The following ACSL4 variants were observed in gnomAD, a reference collection of about 807,000 sequenced individuals.
The protein encoded by ACSL4 is long-chain-fatty-acid--CoA ligase 4.
In ACSL4, 9 loss-of-function variants were observed where a neutral mutation model predicts 49.1. That is an observed-to-expected ratio of 0.18 (90% CI 0.11 to 0.32). The LOEUF (loss-of-function observed/expected upper bound fraction) is 0.32. Among genes scored for constraint, ACSL4 ranks in the 10% least tolerant of loss-of-function variants. ACSL4 has a pLI of 1.00. For missense variants in ACSL4, 333 were observed against 493.7 expected (o/e 0.67, Z 3.08); for synonymous variants, 191 against 170.3 (o/e 1.12, Z -0.95).
At chrX:109,701,843 T>C (rs77910165) in intron 1 of ACSL4, among the ~76,000 whole-genome samples, 41,531 of 94,147 alleles carry the variant, frequency 0.44, 8,171 homozygotes, top group Middle Eastern at 0.61. Flanking sequence ...TCCGCCTGGC[T>C]AACACATACA....
chrX:109,701,614 C>T (rs1925951137), intron 1 of ACSL4, among the ~76,000 whole-genome samples: 1 of 99,070 alleles, frequency 1.0e-5, no homozygotes, highest in Non-Finnish European at 2.0e-5. Context: ...GGCATGATCT[C>T]GGCTCACTGC....
chrX:109,720,679 G>A (rs754888024), intron 1 of ACSL4, among the ~76,000 whole-genome samples: 1 of 111,971 alleles, frequency 8.9e-6, no homozygotes, highest in Non-Finnish European at 1.9e-5. Flanking sequence ...CAGTGTGCCT[G>A]AGCCCTGCCT....
chrX:109,689,051 T>C (rs1392089201), intron 2 of ACSL4, among the ~76,000 whole-genome samples: 1 of 111,397 alleles, frequency 9.0e-6, no homozygotes, highest in Non-Finnish European at 1.9e-5. Context: ...TGTTCAAAAC[T>C]GAGATCATCC....
intron 8 of ACSL4, among the ~76,000 whole-genome samples, chrX:109,676,410 A>C (rs1311649999): frequency 8.9e-6 from 1 of 111,954 alleles, no homozygotes; most frequent in African/African-American, 3.2e-5. Flanking sequence ...CTGAGGACGT[A>C]TCTTACCAAC....
intron 9 of ACSL4, among the ~76,000 whole-genome samples, chrX:109,671,583 A>G (rs1183931910): frequency 2.7e-5 from 3 of 112,695 alleles, no homozygotes; most frequent in Non-Finnish European, 5.6e-5. Flanking sequence ...GGTGTACCCA[A>G]TAGCTCATTG....
Position 109,727,102 on chromosome X carries a change from T to G in ACSL4, c.-66+6037A>C, listed in dbSNP as rs759948076. 2.1e-3 allele frequency among the ~76,000 whole-genome samples: 234 copies of G among 111,644 alleles called. 1 individual carries two copies. The highest frequency in any genetic ancestry group is 6.7e-3 in the African/African-American group (207 of 30,725). ...ATATACTTAGATTTTTAAAATATAT[T>G]CTTAAGTTATTTTTGTGTATGATGA... On this transcript the variant is annotated intron_variant, in intron 1 of 15. Transcript: ENST00000672401.
intron 2 of ACSL4, among the ~76,000 whole-genome samples, chrX:109,686,182 C>T (rs1241941560): frequency 1.8e-5 from 2 of 112,064 alleles, no homozygotes; most frequent in Non-Finnish European, 1.9e-5. Context: ...TAATTTCACA[C>T]ATCATTAGCA....
At position 109,665,613 on chromosome X, in the gene ACSL4, T is replaced by A. The variant is rs1319716798; in HGVS notation, c.1316-119A>T. 5.0e-6 allele frequency: 3 copies of A among 594,563 alleles called. No homozygotes were observed. In the East Asian group the frequency reaches 1.0e-4, roughly 20 times the overall value. The allele number at this position is 594,563 out of a possible 1,213,427, so 49.0% of individuals were successfully genotyped here. Reference sequence around the variant, plus strand: ...AAATGACAAAAGAAGGAGTGCAAAGTGTGATCATTTTTCAGTATTTCAACT... The same window carrying A: ...AAATGACAAAAGAAGGAGTGCAAAGAGTGATCATTTTTCAGTATTTCAACT... On this transcript the variant is annotated intron_variant, in intron 11 of 15. Transcript: ENST00000672401.
intron 1 of ACSL4, among the ~76,000 whole-genome samples, chrX:109,711,165 A>G (rs146921055): frequency 4.4e-4 from 50 of 112,912 alleles, no homozygotes; most frequent in Admixed American, 5.6e-4. Context: ...TTTTTGGAAA[A>G]TATGTGTCAA....
intron 1 of ACSL4, among the ~76,000 whole-genome samples, chrX:109,724,477 C>CT (rs764995285): frequency 1.3e-4 from 15 of 111,332 alleles, no homozygotes; most frequent in Non-Finnish European, 2.1e-4. Context: ...AGGTCTCACT[C>CT]TGTCACCCAG....
chrX:109,648,594 A>T (rs1490280591), intron 15 of ACSL4, among the ~76,000 whole-genome samples: 1 of 111,845 alleles, frequency 8.9e-6, no homozygotes, highest in Non-Finnish European at 1.9e-5. Flanking sequence ...AACTGGAAGC[A>T]TTCCCTTTGA....
At chrX:109,720,490 A>C (rs954217359) in intron 1 of ACSL4, among the ~76,000 whole-genome samples, 1 of 112,019 alleles carries the variant, frequency 8.9e-6, no homozygotes, top group African/African-American at 3.2e-5. Flanking sequence ...TTAGTAAAAC[A>C]GTCCAAAATT....
chrX:109,683,335 G>C lies in ACSL4; in HGVS notation c.29C>G (p.Thr10Ser). Residue 10 changes from threonine (T) to serine (S), a missense_variant, in exon 3 of 16, where the codon ACT becomes AGT. By Grantham distance (58) the Thr-to-Ser change is moderately conservative. This residue lies in a region of ACSL4 where 157 missense variants were observed against 201.1 expected (regional missense o/e 0.78). Coordinates refer to ENST00000672401, the MANE Select transcript of ACSL4 (RefSeq NM_001318510.2). ...ATATGGACTTCCAGGTTTGTCTGAA[G>C]TGGGCTTAGCTTTTATTCTCTTTGC... MAKRIKAKP[T>S]SDKPGSPYRS... The C allele has an allele frequency of 8.3e-7, 1 of 1,211,956 alleles. No individual in the cohort carries two copies. The highest frequency in any genetic ancestry group is 1.1e-6 in the Non-Finnish European group (1 of 895,588).
At position 109,683,115 on chromosome X, in the gene ACSL4, A is replaced by G. The variant is rs777197165; in HGVS notation, c.228+21T>C. 30 of 1,188,785 alleles carry G rather than the reference A, an allele frequency of 2.5e-5. No individual in the cohort carries two copies. The Admixed American group carries it at 6.4e-4, about 25-fold the overall frequency. ...TGTCTTCCTCTTTAAAACATAAATGAAAAGCACCAAAATACTTTACCTTCT... is the reference window on the plus strand; with the variant it reads ...TGTCTTCCTCTTTAAAACATAAATGGAAAGCACCAAAATACTTTACCTTCT... On this transcript the variant is annotated intron_variant, in intron 3 of 15. Transcript: ENST00000672401.
At chrX:109,698,311 C>T (rs1020674481) in intron 1 of ACSL4, among the ~76,000 whole-genome samples, 1 of 111,992 alleles carries the variant, frequency 8.9e-6, no homozygotes, top group African/African-American at 3.2e-5. Context: ...TGATCCTGCA[C>T]TCTCTTCTCT....
chrX:109,708,853 T>C (rs757918032), intron 1 of ACSL4, among the ~76,000 whole-genome samples: 152 of 111,949 alleles, frequency 1.4e-3, no homozygotes, highest in Non-Finnish European at 2.6e-3. Flanking sequence ...TTCCAAAACC[T>C]GAAAAATTCC....
chrX:109,693,682 T>G (rs5985760), intron 2 of ACSL4, among the ~76,000 whole-genome samples: 48,300 of 110,671 alleles, frequency 0.44, 8,502 homozygotes, highest in Middle Eastern at 0.62. Context: ...TAAGACAAGG[T>G]TGATAAGGGA....
chrX:109,655,577 G>A (rs897742501), intron 15 of ACSL4, among the ~76,000 whole-genome samples: 3 of 110,865 alleles, frequency 2.7e-5, no homozygotes, highest in Non-Finnish European at 3.8e-5. Flanking sequence ...CAGGGTGGGG[G>A]GAATTATGGG....
chrX:109,645,182 G>GGCCT (rs1181250864), intron 15 of ACSL4, among the ~76,000 whole-genome samples: 17 of 113,185 alleles, frequency 1.5e-4, no homozygotes, highest in Non-Finnish European at 2.6e-4. Context: ...AGCTCAAGGA[G>GGCCT]GCCTGCCTGC....
Sources: allele counts gnomAD v4.1 joint callset (sites outside exome capture counted in the v4.1 genomes callset), GRCh38; gene constraint gnomAD v4.1.1; regional missense constraint gnomAD v4.1.1; transcripts MANE v1.5; gene names NCBI Gene and HGNC (gene_info 2026-07-23, HGNC 2026-07-21).